GRID2: variants seen among roughly 807,000 people sequenced by gnomAD.
GRID2 encodes the protein glutamate receptor ionotropic, delta-2.
Under a neutral mutation model 114.8 loss-of-function variants are expected in GRID2, and 33 were observed. That is an observed-to-expected ratio of 0.29 (90% CI 0.22 to 0.38). The LOEUF (loss-of-function observed/expected upper bound fraction) is 0.38. Among genes scored for constraint, GRID2 ranks in the 10% least tolerant of loss-of-function variants. GRID2 has a pLI of 1.00. For missense variants in GRID2, 1,184 were observed against 1,257.7 expected, an observed-to-expected ratio of 0.94 and a Z score of 0.89; for synonymous variants, 505 against 449.9, an observed-to-expected ratio of 1.12 and a Z score of -1.55.
intron 13 of GRID2, among the ~76,000 whole-genome samples, chr4:93,592,164 G>T (rs1738420497): frequency 6.6e-6 from 1 of 151,922 alleles, no homozygotes; most frequent in Non-Finnish European, 1.5e-5. Flanking sequence ...GTCAATTTTA[G>T]ATCTTTCCGG....
intron 2 of GRID2, among the ~76,000 whole-genome samples, chr4:93,079,505 A>G (rs1462631616): frequency 6.6e-6 from 1 of 151,964 alleles, no homozygotes; most frequent in South Asian, 2.1e-4. Context: ...TTTAAAAACA[A>G]TGATTTATTT....
intron 2 of GRID2, among the ~76,000 whole-genome samples, chr4:93,034,725 A>G (rs919863770): frequency 7.2e-5 from 11 of 152,144 alleles, no homozygotes; most frequent in African/African-American, 2.4e-4. Context: ...ACTTTGTCCA[A>G]TGTTTCAACA....
Position 93,692,714 on chromosome 4 carries a change from G to T in GRID2, c.2360+66279G>T, listed in dbSNP as rs377441715. 5.3e-5 allele frequency among the ~76,000 whole-genome samples: 8 copies of T among 152,178 alleles called. No individual in the cohort carries two copies. The South Asian group carries it at 8.3e-4, about 16-fold the overall frequency. ...TCCCTCCTTTCCTACTACATTTAAA[G>T]TTCTTGATTTCTCCTGTATCTAGCA... is the stretch of plus-strand genomic sequence containing the variant. On this transcript the variant is annotated intron_variant, in intron 14 of 15. Transcript: ENST00000282020.
At position 93,781,378 on chromosome 4, in the gene GRID2, TGGGCTGCGGTGAG is replaced by T. The variant is rs1424228506; in HGVS notation, c.221+11943_221+11955del. ...GGTGAGGGGCTGCGGTGAGACCTGCTGGGCTGCGGTGAGGGGCTGCGGTGAGGCCTACTGGGCT... is the reference window on the plus strand; with the variant it reads ...GGTGAGGGGCTGCGGTGAGACCTGCTGGGCTGCGGTGAGGCCTACTGGGCT... On this transcript the variant is annotated intron_variant, in intron 1 of 1. Transcript: ENST00000637838. 1.5e-3 allele frequency among the ~76,000 whole-genome samples: 232 copies of T among 150,708 alleles called. 1 individual carries two copies. The highest frequency in any genetic ancestry group is 2.9e-3 in the Non-Finnish European group (198 of 67,556).
chr4:93,488,558 A>G (rs560627998), intron 11 of GRID2, among the ~76,000 whole-genome samples: 15 of 152,098 alleles, frequency 9.9e-5, no homozygotes, highest in African/African-American at 2.6e-4. Flanking sequence ...GTAGTATTGT[A>G]TCTCTTTATT....
At chr4:92,642,995 T>C (rs962425682) in intron 2 of GRID2, among the ~76,000 whole-genome samples, 33 of 151,888 alleles carry the variant, frequency 2.2e-4, no homozygotes, top group Admixed American at 2.1e-3. Flanking sequence ...ATTTGGTTAC[T>C]GTAGCCTTAT....
intron 2 of GRID2, among the ~76,000 whole-genome samples, chr4:92,656,111 C>T (rs1236800784): frequency 3.3e-5 from 5 of 151,548 alleles, no homozygotes; most frequent in Non-Finnish European, 7.4e-5. Flanking sequence ...TGAGGAACTT[C>T]CATACTATTT....
intron 2 of GRID2, among the ~76,000 whole-genome samples, chr4:92,645,469 G>T (rs1055750293): frequency 2.0e-5 from 3 of 151,752 alleles, no homozygotes; most frequent in Non-Finnish European, 4.4e-5. Flanking sequence ...GAACTGGTTT[G>T]TCTCTCAAAT....
intron 2 of GRID2, among the ~76,000 whole-genome samples, chr4:92,970,024 T>C (rs1034963423): frequency 6.6e-6 from 1 of 151,994 alleles, no homozygotes; most frequent in Admixed American, 6.6e-5. Context: ...AATGGAAAAA[T>C]GTTTCTTAAA....
rs1193220303 is a variant in GRID2 at position 93,559,503 on chromosome 4, G to T, written c.2193+44092G>T. 2.6e-5 allele frequency among the ~76,000 whole-genome samples: 4 copies of T among 152,166 alleles called. No individual in the cohort carries two copies. The East Asian group carries it at 7.7e-4, about 29-fold the overall frequency. ...AAGCTCATCATCGTTGGTCATTGGAGAAATGCAAATCAAAACCACAATGAG... is the reference window on the plus strand; with the variant it reads ...AAGCTCATCATCGTTGGTCATTGGATAAATGCAAATCAAAACCACAATGAG... On this transcript the variant is annotated intron_variant, in intron 13 of 15. Coordinates refer to ENST00000282020, the MANE Select transcript of GRID2 (RefSeq NM_001510.4).
At chr4:93,685,952 T>C (rs1726040882) in intron 14 of GRID2, among the ~76,000 whole-genome samples, 1 of 152,058 alleles carries the variant, frequency 6.6e-6, no homozygotes, top group Non-Finnish European at 1.5e-5. Flanking sequence ...AGATACAGTG[T>C]CTGACATAAG....
chr4:93,453,046 A>AC (rs1214364583), intron 10 of GRID2, among the ~76,000 whole-genome samples: 1 of 58,890 alleles, frequency 1.7e-5, no homozygotes, highest in East Asian at 5.3e-4. Context: ...CCCTCCCCCC[A>AC]CCCCACAACA....
At chr4:92,741,544 CTAATT>C (rs1206701159) in intron 2 of GRID2, among the ~76,000 whole-genome samples, 3 of 152,230 alleles carry the variant, frequency 2.0e-5, no homozygotes, top group Middle Eastern at 3.4e-3. Flanking sequence ...TCAATCTACT[CTAATT>C]TATGTTCCCA....
intron 1 of GRID2, among the ~76,000 whole-genome samples, chr4:92,429,721 A>C (rs1387400434): frequency 6.6e-6 from 1 of 152,164 alleles, no homozygotes; most frequent in Non-Finnish European, 1.5e-5. Context: ...CCCCAGCAGA[A>C]GTGTACAAGC....
Position 93,773,261 on chromosome 4 carries a change from A to G in GRID2, c.*763A>G, listed in dbSNP as rs1408389715. 6.6e-6 allele frequency: 1 copy of G among 152,298 alleles called. No individual in the cohort carries two copies. 9.4% of individuals were successfully genotyped at this position (152,298 alleles called of 1,614,324 possible). ...ATATGCACCTATATAATGTGTATAT[A>G]TATAAAAAGGCAGCCATTGCTATTG... On this transcript the variant is annotated 3_prime_UTR_variant, in exon 16 of 16. Coordinates refer to ENST00000282020, the MANE Select transcript of GRID2 (RefSeq NM_001510.4).
intron 8 of GRID2, among the ~76,000 whole-genome samples, chr4:93,266,409 T>A (rs539996514): frequency 6.6e-6 from 1 of 152,052 alleles, no homozygotes; most frequent in East Asian, 1.9e-4. Flanking sequence ...TTTTATATAT[T>A]CAGAACATAA....
chr4:93,681,621 T>C (rs1725548293), intron 14 of GRID2, among the ~76,000 whole-genome samples: 3 of 152,214 alleles, frequency 2.0e-5, no homozygotes, highest in South Asian at 2.1e-4. Flanking sequence ...TCATAAGTAA[T>C]ACCACACATC....
rs938025269 is a variant in GRID2, at chr4:93,592,562, G to A, written c.2194-33707G>A. 2.0e-5 allele frequency among the ~76,000 whole-genome samples: 3 copies of A among 152,168 alleles called. No individual in the cohort carries two copies. In the East Asian group the frequency reaches 5.8e-4, roughly 29 times the overall value. On this transcript the variant is annotated intron_variant, in intron 13 of 15. Coordinates refer to ENST00000282020, the MANE Select transcript of GRID2 (RefSeq NM_001510.4). ...ATTTGGGGTGGAGAGTTCTGTAGAT[G>A]TCTATTAGGTCTGCTTGGTGCAGAG...
intron 2 of GRID2, among the ~76,000 whole-genome samples, chr4:92,615,932 GTTA>G (rs1729986012): frequency 6.6e-6 from 1 of 151,500 alleles, no homozygotes; most frequent in South Asian, 2.1e-4. Flanking sequence ...TTATTATGCT[GTTA>G]TTGTCTTTAT....
Sources: allele counts gnomAD v4.1 joint callset (sites outside exome capture counted in the v4.1 genomes callset), GRCh38; gene constraint gnomAD v4.1.1; transcripts MANE v1.5; gene names NCBI Gene and HGNC (gene_info 2026-07-23, HGNC 2026-07-21).